Variants in FARS2 observed in about 807,000 individuals in gnomAD.
FARS2 encodes the protein phenylalanine--tRNA ligase, mitochondrial.
FARS2 carries 40 observed loss-of-function variants against 46.4 expected under a neutral mutation model. The observed-to-expected ratio is 0.86, with a 90% CI of 0.67 to 1.12. FARS2 has a LOEUF of 1.12. Among genes scored for constraint, FARS2 ranks in the 50% most tolerant of loss-of-function variants. The probability of loss-of-function intolerance (pLI) is 0.00; values close to 1 mark genes in which losing one functional copy is unlikely to be tolerated. For missense variants in FARS2, 513 were observed against 567.9 expected (o/e 0.90, Z 0.98); for synonymous variants, 234 against 214.9 (o/e 1.09, Z -0.78).
upstream of FARS2, among the ~76,000 whole-genome samples, chr6:5,259,938 A>T (rs142155248): frequency 2.3e-3 from 344 of 152,272 alleles, 1 homozygote; most frequent in Non-Finnish European, 3.6e-3. Flanking sequence ...ACAATAAAAG[A>T]CTCATAGGCA....
At chr6:5,475,364 A>G (rs904251867) in intron 4 of FARS2, among the ~76,000 whole-genome samples, 7 of 152,226 alleles carry the variant, frequency 4.6e-5, no homozygotes, top group Non-Finnish European at 8.8e-5. Flanking sequence ...TGAATGTATG[A>G]TGTAGAAAGA....
At chr6:5,474,866 G>C (rs1178995059) in intron 4 of FARS2, among the ~76,000 whole-genome samples, 1 of 151,852 alleles carries the variant, frequency 6.6e-6, no homozygotes, top group East Asian at 1.9e-4. Flanking sequence ...CACCATGCTG[G>C]CCAGGCTGGT....
At chr6:5,439,903 C>G (rs1763745230) in intron 4 of FARS2, among the ~76,000 whole-genome samples, 1 of 152,090 alleles carries the variant, frequency 6.6e-6, no homozygotes, top group Non-Finnish European at 1.5e-5. Flanking sequence ...TCAGTCTTGC[C>G]CCTTTTAGTG....
At chr6:5,383,634 C>T (rs1370900233) in intron 2 of FARS2, among the ~76,000 whole-genome samples, 3 of 152,246 alleles carry the variant, frequency 2.0e-5, no homozygotes, top group African/African-American at 7.2e-5. Context: ...GGTCGCTGCC[C>T]TGCCCATCCC....
chr6:5,612,179 G>A (rs1328789828), intron 5 of FARS2, among the ~76,000 whole-genome samples: 1 of 152,214 alleles, frequency 6.6e-6, no homozygotes, highest in East Asian at 1.9e-4. Context: ...TTTCAAGTTG[G>A]ATAATCATTT....
At chr6:5,636,502 A>G (rs1371184590) in intron 6 of FARS2, among the ~76,000 whole-genome samples, 3 of 152,208 alleles carry the variant, frequency 2.0e-5, no homozygotes, top group African/African-American at 4.8e-5. Context: ...GGAATTTACA[A>G]TTGGCAATGA....
intron 6 of FARS2, among the ~76,000 whole-genome samples, chr6:5,742,168 T>C (rs959981290): frequency 2.0e-5 from 3 of 152,164 alleles, no homozygotes. Flanking sequence ...CTACATTCTT[T>C]CCTATTATTT....
chr6:5,667,872 C>T (rs1258292519), intron 6 of FARS2, among the ~76,000 whole-genome samples: 1 of 152,190 alleles, frequency 6.6e-6, no homozygotes, highest in Non-Finnish European at 1.5e-5. Context: ...GTGCTATTTC[C>T]TCAAACAATA....
chr6:5,342,768 A>G (rs951476003), intron 1 of FARS2, among the ~76,000 whole-genome samples: 41 of 152,046 alleles, frequency 2.7e-4, no homozygotes, highest in African/African-American at 9.6e-4. Flanking sequence ...AAAAAAAAAA[A>G]GAAAAAGAAT....
At chr6:5,312,122 A>G (rs1429791886) in intron 1 of FARS2, among the ~76,000 whole-genome samples, 1 of 152,216 alleles carries the variant, frequency 6.6e-6, no homozygotes, top group African/African-American at 2.4e-5. Context: ...ACAAGCAAAT[A>G]ACTTGGGACC....
intron 5 of FARS2, chr6:5,609,660 C>A: frequency 1.6e-6 from 2 of 1,253,160 alleles, no homozygotes; most frequent in Non-Finnish European, 2.3e-6. Context: ...GCTTTCCTAA[C>A]TTCACAGTTG....
chr6:5,746,078 AT>A (rs1329241305), intron 6 of FARS2, among the ~76,000 whole-genome samples: 1 of 152,202 alleles, frequency 6.6e-6, no homozygotes, highest in Non-Finnish European at 1.5e-5. Context: ...AAGATAAAAA[AT>A]ATCTTCTAGT....
At chr6:5,663,800 A>C (rs1277131998) in intron 6 of FARS2, among the ~76,000 whole-genome samples, 1 of 152,204 alleles carries the variant, frequency 6.6e-6, no homozygotes, top group Non-Finnish European at 1.5e-5. Context: ...ATATGAGGGG[A>C]GCCAGAGACA....
intron 1 of FARS2, among the ~76,000 whole-genome samples, chr6:5,335,428 T>C (rs540721972): frequency 6.8e-4 from 103 of 152,360 alleles, no homozygotes; most frequent in Non-Finnish European, 1.3e-3. Flanking sequence ...ATTGATGGAC[T>C]CTTTTTCATC....
chr6:5,720,431 G>C (rs568553447), intron 6 of FARS2, among the ~76,000 whole-genome samples: 1 of 152,264 alleles, frequency 6.6e-6, no homozygotes, highest in South Asian at 2.1e-4. Context: ...TAATTGATCA[G>C]TTTTCCAGAT....
intron 2 of FARS2, among the ~76,000 whole-genome samples, chr6:5,393,271 G>A (rs1416074272): frequency 6.6e-6 from 1 of 152,044 alleles, no homozygotes; most frequent in Non-Finnish European, 1.5e-5. Context: ...CCACAGATTT[G>A]GATTCCATGT....
At chr6:5,769,602 G>A (rs868156839) in intron 6 of FARS2, among the ~76,000 whole-genome samples, 3 of 152,212 alleles carry the variant, frequency 2.0e-5, no homozygotes, top group African/African-American at 4.8e-5. Flanking sequence ...AGAGCCATTG[G>A]CCTGAGCTGG....
intron 6 of FARS2, among the ~76,000 whole-genome samples, chr6:5,695,995 A>G (rs559166711): frequency 1.3e-5 from 2 of 152,352 alleles, no homozygotes; most frequent in Non-Finnish European, 2.9e-5. Context: ...TTAGAGAAAT[A>G]CAAATTATTT....
intron 5 of FARS2, among the ~76,000 whole-genome samples, chr6:5,573,410 A>ACG (rs946714408): frequency 2.3e-4 from 35 of 152,052 alleles, no homozygotes; most frequent in African/African-American, 8.5e-4. Flanking sequence ...ACACACACAC[A>ACG]CGCGTGCGTG....
Sources: gnomAD v4.1 joint callset for allele counts (sites outside exome capture counted in the v4.1 genomes callset) on GRCh38, gnomAD v4.1.1 for gene constraint, MANE v1.5 for transcripts, NCBI Gene and HGNC (gene_info 2026-07-23, HGNC 2026-07-21) for gene names.